The following GMDS variants were observed in gnomAD, a reference collection of about 807,000 sequenced individuals.
GMDS encodes the protein GDP-mannose 4,6 dehydratase.
Under a neutral mutation model 49.9 loss-of-function variants are expected in GMDS, and 20 were observed. The ratio of observed to expected loss-of-function variants is 0.40; its 90% CI spans 0.28 to 0.58. The LOEUF (loss-of-function observed/expected upper bound fraction) is 0.58, where lower values mean the gene tolerates loss of function less well. Ranked by LOEUF, GMDS falls within the 20% of genes least tolerant of loss-of-function variation. The pLI is 0.42. For synonymous variants in GMDS, 177 were observed against 178.6 expected, an observed-to-expected ratio of 0.99 and a Z score of 0.07; for missense variants, 362 against 481.4, an observed-to-expected ratio of 0.75 and a Z score of 2.32.
Position 1,980,720 on chromosome 6 carries a change from A to C in GMDS, c.346-19754T>G, listed in dbSNP as rs370530423. The stretch of plus-strand genomic sequence containing the variant: ...AGAGGATCTGATAGATATTTACAGA[A>C]CTGTCCACCCAGAAACATTCTTCTC... On this transcript the variant is annotated intron_variant, in intron 4 of 10. Transcript: ENST00000380815. Among the ~76,000 whole-genome samples, 10 of 152,354 alleles carry C rather than the reference A, an allele frequency of 6.6e-5. No homozygotes were observed. The East Asian group carries it at 1.9e-3, about 29-fold the overall frequency.
At chr6:2,189,858 A>G (rs992420456) in intron 1 of GMDS, among the ~76,000 whole-genome samples, 2 of 152,242 alleles carry the variant, frequency 1.3e-5, no homozygotes, top group African/African-American at 4.8e-5. Flanking sequence ...ATTCTGCTCA[A>G]ACTTAAAGTG....
At position 2,193,047 on chromosome 6, in the gene GMDS, G is replaced by A. The variant is rs372074846; in HGVS notation, c.102+52274C>T. On this transcript the variant is annotated intron_variant, in intron 1 of 10. Transcript: ENST00000380815. ...TCCCAGGATCCCTAAGGAGGGTTTT[G>A]GGAATTTGTGAACGTTTCAGTTGTC... Among the ~76,000 whole-genome samples the A allele has an allele frequency of 6.6e-5, 10 of 152,268 alleles. No homozygotes were observed. The East Asian group carries it at 1.9e-3, about 29-fold the overall frequency.
intron 4 of GMDS, among the ~76,000 whole-genome samples, chr6:1,984,768 G>C (rs1345845543): frequency 1.3e-5 from 2 of 152,186 alleles, no homozygotes; most frequent in African/African-American, 4.8e-5. Flanking sequence ...AAGTTCAACA[G>C]CTTAGCTTAA....
chr6:2,033,196 C>G (rs542707833), intron 4 of GMDS, among the ~76,000 whole-genome samples: 76 of 152,242 alleles, frequency 5.0e-4, no homozygotes, highest in African/African-American at 1.7e-3. Flanking sequence ...TGCATAATCA[C>G]TGAATCAATA....
chr6:2,074,887 T>C (rs59884070), intron 4 of GMDS, among the ~76,000 whole-genome samples: 1,919 of 152,228 alleles, frequency 0.013, 44 homozygotes, highest in African/African-American at 0.044. Context: ...CCCAGAACCA[T>C]TTATTGAAGA....
In GMDS at chr6:2,071,487, T is replaced by C. The variant is rs1349835799; in HGVS notation, c.345+44284A>G. Reference sequence around the variant, plus strand: ...GAGAACAAAGACAATGCTGTACACATTTGTATATCCCACATGGCTACCTCT... The same window carrying C: ...GAGAACAAAGACAATGCTGTACACACTTGTATATCCCACATGGCTACCTCT... On this transcript the variant is annotated intron_variant, in intron 4 of 10. Transcript: ENST00000380815. 3.3e-5 allele frequency among the ~76,000 whole-genome samples: 5 copies of C among 152,102 alleles called. No homozygotes were observed. The South Asian group carries it at 8.3e-4, about 25-fold the overall frequency.
chr6:1,940,353 A>G (rs77366720), intron 6 of GMDS, among the ~76,000 whole-genome samples: 1,759 of 152,364 alleles, frequency 0.012, 15 homozygotes, highest in Middle Eastern at 0.02. Flanking sequence ...AGTTTGGACA[A>G]TATTCATTGG....
intron 4 of GMDS, among the ~76,000 whole-genome samples, chr6:2,076,130 T>A (rs1772323518): frequency 6.6e-6 from 1 of 152,238 alleles, no homozygotes; most frequent in African/African-American, 2.4e-5. Context: ...TTGTCTGAGT[T>A]CTTTGTAGAT....
chr6:1,872,224 C>T (rs1368897829), intron 7 of GMDS, among the ~76,000 whole-genome samples: 2 of 152,184 alleles, frequency 1.3e-5, no homozygotes, highest in Admixed American at 6.5e-5. Flanking sequence ...GCACATCCAC[C>T]GGGCTGGCTA....
At chr6:2,208,818 C>T (rs945004754) in intron 1 of GMDS, among the ~76,000 whole-genome samples, 1 of 150,348 alleles carries the variant, frequency 6.7e-6, no homozygotes, top group African/African-American at 2.5e-5. Flanking sequence ...ACGATTATCA[C>T]TAACTGAATT....
At chr6:1,803,587 A>C (rs1005603209) in intron 7 of GMDS, among the ~76,000 whole-genome samples, 1 of 151,892 alleles carries the variant, frequency 6.6e-6, no homozygotes, top group Non-Finnish European at 1.5e-5. Context: ...TAAATAAATA[A>C]ATAAATAAAT....
At chr6:1,800,837 T>C (rs535606725) in intron 7 of GMDS, among the ~76,000 whole-genome samples, 16 of 152,300 alleles carry the variant, frequency 1.1e-4, no homozygotes, top group South Asian at 4.1e-4. Flanking sequence ...GTGGATGTGA[T>C]TCTGCATCTG....
At chr6:1,630,280 G>A (rs572361981) in intron 9 of GMDS, among the ~76,000 whole-genome samples, 1 of 152,374 alleles carries the variant, frequency 6.6e-6, no homozygotes, top group Admixed American at 6.5e-5. Context: ...GGAGATGAGT[G>A]CGGCGGTCCT....
chr6:1,785,633 G>A (rs541106566), intron 7 of GMDS, among the ~76,000 whole-genome samples: 6 of 152,318 alleles, frequency 3.9e-5, no homozygotes, highest in Admixed American at 2.6e-4. Flanking sequence ...TGCCTGCCAC[G>A]ACCTGCCTCA....
intron 1 of GMDS, among the ~76,000 whole-genome samples, chr6:2,147,677 G>A (rs1340202359): frequency 6.6e-6 from 1 of 151,498 alleles, no homozygotes; most frequent in Non-Finnish European, 1.5e-5. Flanking sequence ...TCCATCAAGT[G>A]AGAAGAGCAA....
intron 4 of GMDS, among the ~76,000 whole-genome samples, chr6:1,990,477 C>T (rs540892596): frequency 2.0e-5 from 3 of 152,336 alleles, no homozygotes; most frequent in African/African-American, 7.2e-5. Flanking sequence ...TTTCAGTAAT[C>T]TGGCTGGTTC....
At position 2,245,476 on chromosome 6, in the gene GMDS, C is replaced by G. The variant is rs1581856175; in HGVS notation, c.-54G>C. Reference sequence around the variant, plus strand: ...AGGGCGGAGCGCGGCAGAGGGCAGGCGCGGTGCCGGCAGGAACGCGGGGGT... The same window carrying G: ...AGGGCGGAGCGCGGCAGAGGGCAGGGGCGGTGCCGGCAGGAACGCGGGGGT... On this transcript the variant is annotated 5_prime_UTR_variant, in exon 1 of 11. Coordinates refer to ENST00000380815, the MANE Select transcript of GMDS (RefSeq NM_001500.4). The G allele has an allele frequency of 1.9e-6, 2 of 1,063,122 alleles. No individual in the cohort carries two copies. The highest frequency in any genetic ancestry group is 1.7e-5 in the African/African-American group (1 of 59,304). 65.9% of individuals were successfully genotyped at this position (1,063,122 alleles called of 1,614,324 possible).
intron 8 of GMDS, among the ~76,000 whole-genome samples, chr6:1,741,508 T>C (rs550614835): frequency 5.9e-5 from 9 of 152,212 alleles, no homozygotes; most frequent in Admixed American, 5.9e-4. Flanking sequence ...ATTTCTTTCA[T>C]CTTTCTTTTA....
chr6:2,029,221 TG>T (rs1367637507), intron 4 of GMDS, among the ~76,000 whole-genome samples: 1 of 152,140 alleles, frequency 6.6e-6, no homozygotes, highest in East Asian at 1.9e-4. Flanking sequence ...TGCCTGTGTC[TG>T]TGTGTGTCTG....
Sources: allele counts gnomAD v4.1 joint callset (sites outside exome capture counted in the v4.1 genomes callset), GRCh38; gene constraint gnomAD v4.1.1; transcripts MANE v1.5; gene names NCBI Gene and HGNC (gene_info 2026-07-23, HGNC 2026-07-21).